The following GLIS1 variants were observed in gnomAD, a reference collection of about 807,000 sequenced individuals.
GLIS1 encodes the protein GLIS family zinc finger 1, also known as zinc finger protein GLIS1.
Under a neutral mutation model 63.8 loss-of-function variants are expected in GLIS1, and 24 were observed. The observed-to-expected ratio is 0.38, with a 90% CI of 0.27 to 0.53. The LOEUF (loss-of-function observed/expected upper bound fraction) is 0.53. Ranked by LOEUF, GLIS1 falls within the 20% of genes least tolerant of loss-of-function variation. The pLI is 0.85. For synonymous variants in GLIS1, 450 were observed against 482.5 expected (o/e 0.93, Z 0.88); for missense variants, 1,036 against 1,074.1 (o/e 0.96, Z 0.50).
chr1:53,569,707 C>T (rs1473585688), intron 4 of GLIS1, among the ~76,000 whole-genome samples: 1 of 151,868 alleles, frequency 6.6e-6, no homozygotes, highest in Admixed American at 6.6e-5. Flanking sequence ...AAAGAATCTA[C>T]ACAAAAATGA....
chr1:53,522,258 C>T (rs912037025), intron 6 of GLIS1, among the ~76,000 whole-genome samples: 2 of 152,240 alleles, frequency 1.3e-5, no homozygotes, highest in Non-Finnish European at 2.9e-5. Flanking sequence ...ATACAAGGGT[C>T]GCTTTACCCA....
intron 5 of GLIS1, among the ~76,000 whole-genome samples, chr1:53,527,689 G>A (rs553629133): frequency 3.2e-4 from 49 of 152,254 alleles, no homozygotes; most frequent in Non-Finnish European, 6.0e-4. Flanking sequence ...CCTGTGAGGG[G>A]CCTGACCCGA....
intron 3 of GLIS1, among the ~76,000 whole-genome samples, chr1:53,596,752 G>A (rs1277329202): frequency 6.6e-6 from 1 of 152,132 alleles, no homozygotes; most frequent in Non-Finnish European, 1.5e-5. Flanking sequence ...AGGTACAGGA[G>A]GGGAGGGGAA....
chr1:53,711,718 G>C (rs1646648938), intron 2 of GLIS1, among the ~76,000 whole-genome samples: 1 of 152,212 alleles, frequency 6.6e-6, no homozygotes, highest in Admixed American at 6.5e-5. Flanking sequence ...TCAGTGTGTG[G>C]CATGTAGCAT....
At chr1:53,689,122 G>A (rs1244268478) in intron 2 of GLIS1, among the ~76,000 whole-genome samples, 1 of 152,234 alleles carries the variant, frequency 6.6e-6, no homozygotes, top group Non-Finnish European at 1.5e-5. Flanking sequence ...GGTGGGGCAG[G>A]TGAAGAGACC....
intron 2 of GLIS1, among the ~76,000 whole-genome samples, chr1:53,614,583 G>A (rs1177150548): frequency 1.3e-5 from 2 of 152,208 alleles, no homozygotes; most frequent in East Asian, 1.9e-4. Flanking sequence ...AACCAGACTC[G>A]ACAGGTGGGA....
intron 4 of GLIS1, among the ~76,000 whole-genome samples, chr1:53,536,768 G>C (rs1644585356): frequency 6.6e-6 from 1 of 152,122 alleles, no homozygotes; most frequent in South Asian, 2.1e-4. Context: ...TCCATTCCTG[G>C]GGCAAGGCCA....
At chr1:53,655,103 G>A (rs1041983677) in intron 2 of GLIS1, among the ~76,000 whole-genome samples, 1 of 152,174 alleles carries the variant, frequency 6.6e-6, no homozygotes, top group Non-Finnish European at 1.5e-5. Flanking sequence ...TGGCCAGGCA[G>A]GAGGACCTGT....
chr1:53,638,958 G>T (rs1287366549), intron 2 of GLIS1, among the ~76,000 whole-genome samples: 3 of 152,268 alleles, frequency 2.0e-5, no homozygotes, highest in East Asian at 3.9e-4. Flanking sequence ...ACAAACTGGG[G>T]CAGGGAGTGG....
intron 2 of GLIS1, among the ~76,000 whole-genome samples, chr1:53,725,663 C>G (rs1646798572): frequency 2.0e-5 from 3 of 152,196 alleles, no homozygotes; most frequent in Admixed American, 2.0e-4. Context: ...CAGGGCAGAA[C>G]CCAACACTGG....
At chr1:53,651,134 A>G (rs1645902425) in intron 2 of GLIS1, among the ~76,000 whole-genome samples, 1 of 152,242 alleles carries the variant, frequency 6.6e-6, no homozygotes, top group South Asian at 2.1e-4. Flanking sequence ...CTTATAATAA[A>G]TAGTTTGCAC....
intron 4 of GLIS1, among the ~76,000 whole-genome samples, chr1:53,537,416 T>C (rs1056891153): frequency 2.6e-5 from 4 of 152,208 alleles, no homozygotes; most frequent in Admixed American, 6.5e-5. Flanking sequence ...CCAAGGGCCC[T>C]GTTTCACATG....
chr1:53,506,458 C>T lies in GLIS1; in HGVS notation c.*161G>A, dbSNP rs920930553. ...TCAAGCTCGGATGGCGGCTCCCTGG[C>T]AGCGCTGGGTGGGGTGGCAGCGCTG... On this transcript the variant is annotated 3_prime_UTR_variant, in exon 11 of 11. Transcript: ENST00000628545. 2 of 703,624 alleles carry T rather than the reference C, an allele frequency of 2.8e-6. No homozygotes were observed. Among genetic ancestry groups the T allele is most frequent in the East Asian group, 2.7e-5 (1 of 36,718 alleles). The allele number at this position is 703,624 out of a possible 1,614,324, so 43.6% of individuals were successfully genotyped here. A position where few individuals can be genotyped will look rare whatever the true frequency, so the allele number is the denominator to read the frequency against.
chr1:53,684,866 G>A (rs1032800100), intron 2 of GLIS1, among the ~76,000 whole-genome samples: 20 of 152,288 alleles, frequency 1.3e-4, no homozygotes, highest in Middle Eastern at 3.4e-3. Context: ...GTGGCTTCAG[G>A]GAATTGGCTC....
chr1:53,698,801 C>T (rs1399892478), intron 2 of GLIS1, among the ~76,000 whole-genome samples: 1 of 152,200 alleles, frequency 6.6e-6, no homozygotes, highest in Non-Finnish European at 1.5e-5. Context: ...ACAAGCATGC[C>T]ATTTCATGGT....
chr1:53,600,360 G>T, intron 2 of GLIS1, 82 bp from the exon 3 acceptor site: 1 of 891,800 alleles, frequency 1.1e-6, no homozygotes, highest in Non-Finnish European at 1.5e-6. Flanking sequence ...GCAGTCCCTG[G>T]GGTACAGCAA....
At chr1:53,534,752 C>A (rs1188326566) in intron 4 of GLIS1, among the ~76,000 whole-genome samples, 1 of 151,494 alleles carries the variant, frequency 6.6e-6, no homozygotes, top group Non-Finnish European at 1.5e-5. Context: ...CCTCTTTGAG[C>A]ACACAGGTTC....
At chr1:53,698,980 G>A (rs965789715) in intron 2 of GLIS1, among the ~76,000 whole-genome samples, 5 of 152,162 alleles carry the variant, frequency 3.3e-5, no homozygotes, top group Admixed American at 3.3e-4. Context: ...AAGAGTAACA[G>A]TGCATGCCAC....
intron 4 of GLIS1, among the ~76,000 whole-genome samples, chr1:53,554,725 GAACGTGCCC>G (rs759605555): frequency 2.0e-5 from 3 of 152,180 alleles, no homozygotes; most frequent in Non-Finnish European, 2.9e-5. Context: ...GCCTGACCTG[GAACGTGCCC>G]ATCATTGGGC....
Sources: allele counts gnomAD v4.1 joint callset (sites outside exome capture counted in the v4.1 genomes callset), GRCh38; gene constraint gnomAD v4.1.1; transcripts MANE v1.5; gene names NCBI Gene and HGNC (gene_info 2026-07-23, HGNC 2026-07-21).